Variants in RSU1 observed in about 807,000 individuals in gnomAD.
The protein encoded by RSU1 is Ras suppressor protein 1, also known as rsu-1.
A neutral mutation model predicts 31.1 loss-of-function variants in RSU1; 26 were observed. The ratio of observed to expected loss-of-function variants is 0.84; its 90% confidence interval spans 0.61 to 1.16. RSU1 has a LOEUF of 1.16. Among genes scored for constraint, RSU1 ranks in the 50% most tolerant of loss-of-function variants. The pLI, the probability that RSU1 is intolerant of heterozygous loss-of-function variation, is 0.00. For synonymous variants in RSU1, 164 were observed against 136.3 expected, an observed-to-expected ratio of 1.20 and a Z score of -1.41; for missense variants, 320 against 339.1, an observed-to-expected ratio of 0.94 and a Z score of 0.44.
rs955969223 is a variant in RSU1 at position 16,808,556 on chromosome 10, T to C, written c.109+8417A>G. Among the ~76,000 whole-genome samples, 7 of 150,686 alleles carry C rather than the reference T, an allele frequency of 4.6e-5. No homozygotes were observed. The East Asian group carries it at 5.9e-4, about 13-fold the overall frequency. On this transcript the variant is annotated intron_variant, in intron 2 of 8. Coordinates refer to ENST00000345264, the MANE Select transcript of RSU1 (RefSeq NM_012425.4). Reference sequence around the variant, plus strand: ...TGCCTGAGTGACACTGGGGACTTTATAGAACCTCCATAGCTCTCTACTTTC... The same window carrying C: ...TGCCTGAGTGACACTGGGGACTTTACAGAACCTCCATAGCTCTCTACTTTC...
At chr10:16,763,184 C>T (rs2131630212) in intron 4 of RSU1, among the ~76,000 whole-genome samples, 1 of 152,250 alleles carries the variant, frequency 6.6e-6, no homozygotes, top group Non-Finnish European at 1.5e-5. Context: ...AGATGAAATT[C>T]TGATGCCGCA....
Position 16,695,168 on chromosome 10 carries a change from A to AGG in RSU1, c.599-14_599-13insCC. The AGG allele has an allele frequency of 8.7e-7, 1 of 1,146,432 alleles. No individual in the cohort carries two copies. Among genetic ancestry groups the AGG allele is most frequent in the South Asian group, 1.6e-5 (1 of 63,538 alleles). 71.0% of individuals were successfully genotyped at this position (1,146,432 alleles called of 1,614,324 possible). ...AAATCCAAGTTTCCTGGGGGGGGGG[A>AGG]AAAAAAAAGTGAAGGTCACTTCATC... On this transcript the variant is annotated splice_polypyrimidine_tract_variant and intron_variant, in intron 7 of 8. Transcript: ENST00000345264.
intron 8 of RSU1, among the ~76,000 whole-genome samples, chr10:16,645,320 G>T (rs1373783020): frequency 6.6e-6 from 1 of 152,106 alleles, no homozygotes; most frequent in African/African-American, 2.4e-5. Context: ...TTGTTTGTTT[G>T]CATGTTTCCC....
At chr10:16,594,132 C>T (rs892814145) in intron 8 of RSU1, among the ~76,000 whole-genome samples, 1 of 152,210 alleles carries the variant, frequency 6.6e-6, no homozygotes, top group African/African-American at 2.4e-5. Context: ...ATGAGTAATT[C>T]TGATTAAACC....
At chr10:16,727,855 C>T (rs1048271285) in intron 7 of RSU1, among the ~76,000 whole-genome samples, 5 of 152,130 alleles carry the variant, frequency 3.3e-5, no homozygotes, top group Admixed American at 1.3e-4. Context: ...GCAACCATAC[C>T]GCTGCCAGGC....
intron 3 of RSU1, among the ~76,000 whole-genome samples, chr10:16,780,672 C>G (rs377558253): frequency 6.6e-6 from 1 of 152,214 alleles, no homozygotes; most frequent in Non-Finnish European, 1.5e-5. Flanking sequence ...TCAGTTATTA[C>G]TGCTCACAAA....
chr10:16,666,225 T>A (rs1834985332), intron 8 of RSU1, among the ~76,000 whole-genome samples: 1 of 138,460 alleles, frequency 7.2e-6, no homozygotes, highest in Admixed American at 7.1e-5. Context: ...CTTTTATACC[T>A]AGAGATAGCA....
At chr10:16,656,363 C>G (rs1429455314) in intron 8 of RSU1, among the ~76,000 whole-genome samples, 3 of 152,152 alleles carry the variant, frequency 2.0e-5, no homozygotes, top group Non-Finnish European at 4.4e-5. Flanking sequence ...AGGATTCAAT[C>G]ATATTGTTGC....
At chr10:16,637,019 T>C (rs1217906145) in intron 8 of RSU1, among the ~76,000 whole-genome samples, 2 of 152,192 alleles carry the variant, frequency 1.3e-5, no homozygotes, top group African/African-American at 4.8e-5. Flanking sequence ...AATAAATGAA[T>C]GAATAATAAA....
chr10:16,804,739 C>T (rs961935435), intron 2 of RSU1, among the ~76,000 whole-genome samples: 1 of 152,100 alleles, frequency 6.6e-6, no homozygotes, highest in African/African-American at 2.4e-5. Context: ...CCCTACGATT[C>T]CAGCTATATG....
chr10:16,757,026 G>A (rs545266589), intron 4 of RSU1, among the ~76,000 whole-genome samples: 39 of 147,780 alleles, frequency 2.6e-4, no homozygotes, highest in Admixed American at 1.1e-3. Context: ...GTGTGTGTAC[G>A]CAGTGTGTGT....
In RSU1 at chr10:16,639,050, T is replaced by A. The variant is rs1435982524; in HGVS notation, c.732-45554A>T. On this transcript the variant is annotated intron_variant, in intron 8 of 8. Transcript: ENST00000345264. ...ATCTCGGACAGTTATTTCGTTGTGA[T>A]CCTGAAGGACTTCTTTCCTGTTGAC... 3.3e-5 allele frequency among the ~76,000 whole-genome samples: 5 copies of A among 152,350 alleles called. No individual in the cohort carries two copies. The East Asian group carries it at 9.6e-4, about 29-fold the overall frequency.
chr10:16,623,821 T>C (rs561834012), intron 8 of RSU1, among the ~76,000 whole-genome samples: 1 of 152,336 alleles, frequency 6.6e-6, no homozygotes, highest in Admixed American at 6.5e-5. Flanking sequence ...TTACAACTTA[T>C]CTTCATAAAA....
intron 7 of RSU1, among the ~76,000 whole-genome samples, chr10:16,745,691 T>C (rs746438630): frequency 4.7e-4 from 71 of 152,274 alleles, no homozygotes; most frequent in Non-Finnish European, 9.0e-4. Context: ...GTGGGAATTA[T>C]GGGAGCTACC....
chr10:16,701,350 G>A (rs934729111), intron 7 of RSU1, among the ~76,000 whole-genome samples: 3 of 152,198 alleles, frequency 2.0e-5, no homozygotes, highest in Non-Finnish European at 4.4e-5. Flanking sequence ...TAAGTGGAAT[G>A]AGAATCTAGG....
At chr10:16,681,787 C>T (rs998410118) in intron 8 of RSU1, among the ~76,000 whole-genome samples, 4 of 151,884 alleles carry the variant, frequency 2.6e-5, no homozygotes, top group Non-Finnish European at 5.9e-5. Flanking sequence ...TATGTATATG[C>T]CATATATATG....
At chr10:16,758,210 A>T (rs1394794113) in intron 4 of RSU1, among the ~76,000 whole-genome samples, 1 of 152,222 alleles carries the variant, frequency 6.6e-6, no homozygotes, top group African/African-American at 2.4e-5. Context: ...AAGAATTGCT[A>T]GCAACAGCCC....
At chr10:16,700,141 CAT>C (rs1387103040) in intron 7 of RSU1, among the ~76,000 whole-genome samples, 8 of 152,126 alleles carry the variant, frequency 5.3e-5, no homozygotes, top group Admixed American at 5.2e-4. Flanking sequence ...AATCCTGAAA[CAT>C]GTGGCTAGCG....
intron 7 of RSU1, among the ~76,000 whole-genome samples, chr10:16,715,478 C>T (rs2131584143): frequency 6.6e-6 from 1 of 152,162 alleles, no homozygotes; most frequent in South Asian, 2.1e-4. Flanking sequence ...GTTAATTCTT[C>T]TATATGTTAT....
Sources: gnomAD v4.1 joint callset for allele counts (sites outside exome capture counted in the v4.1 genomes callset) on GRCh38, gnomAD v4.1.1 for gene constraint, MANE v1.5 for transcripts, NCBI Gene and HGNC (gene_info 2026-07-23, HGNC 2026-07-21) for gene names.